The following AATF variants were observed in gnomAD, a reference collection of about 807,000 sequenced individuals.
AATF encodes apoptosis antagonizing transcription factor.
In AATF, 48 loss-of-function variants were observed where a neutral mutation model predicts 63.7. The observed-to-expected ratio is 0.75, with a 90% CI of 0.60 to 0.96. The LOEUF is 0.96. Ranked by LOEUF, AATF falls within the 40% of genes least tolerant of loss-of-function variation. The probability of loss-of-function intolerance (pLI) is 0.00; values close to 1 mark genes in which losing one functional copy is unlikely to be tolerated. For synonymous variants in AATF, 258 were observed against 247.7 expected, an observed-to-expected ratio of 1.04 and a Z score of -0.39; for missense variants, 639 against 685.7, an observed-to-expected ratio of 0.93 and a Z score of 0.76.
intron 4 of AATF, chr17:36,980,061 T>C (rs1022481307): frequency 7.9e-5 from 12 of 152,194 alleles, no homozygotes; most frequent in African/African-American, 2.9e-4. Context: ...ATTAAAAAAA[T>C]TCTAAAATGC....
At chr17:36,971,182 A>G (rs942625029) in intron 4 of AATF, among the ~76,000 whole-genome samples, 25 of 152,226 alleles carry the variant, frequency 1.6e-4, no homozygotes, top group African/African-American at 5.3e-4. Flanking sequence ...ATAATTAACA[A>G]TCAGCTTGTG....
At chr17:37,028,989 CG>C (rs1223637047) in intron 10 of AATF, among the ~76,000 whole-genome samples, 1 of 151,996 alleles carries the variant, frequency 6.6e-6, no homozygotes, top group Non-Finnish European at 1.5e-5. Context: ...GTGAAACAAA[CG>C]TAACAACAAT....
intron 4 of AATF, among the ~76,000 whole-genome samples, chr17:36,970,180 C>T (rs867326383): frequency 3.3e-5 from 5 of 152,304 alleles, no homozygotes; most frequent in South Asian, 4.1e-4. Context: ...TGTTTAACTT[C>T]GGAAACTGCC....
chr17:36,952,748 A>C (rs1293506488), intron 2 of AATF, 138 bp from the exon 3 acceptor site: 1 of 1,432,116 alleles, frequency 7.0e-7, no homozygotes, highest in East Asian at 2.5e-5. Context: ...TAGATGTGTA[A>C]TAAATATATT....
chr17:37,032,561 G>A (rs1319479568), intron 11 of AATF, among the ~76,000 whole-genome samples: 1 of 152,166 alleles, frequency 6.6e-6, no homozygotes. Context: ...AGGTACTAGG[G>A]GTGCTCCTTG....
intron 4 of AATF, among the ~76,000 whole-genome samples, chr17:36,976,434 T>A (rs1282615055): frequency 1.3e-5 from 2 of 152,206 alleles, no homozygotes; most frequent in Non-Finnish European, 2.9e-5. Context: ...GATGGTACAA[T>A]CTTTTAAGGA....
At chr17:36,975,784 C>T (rs1271743288) in intron 4 of AATF, among the ~76,000 whole-genome samples, 1 of 152,198 alleles carries the variant, frequency 6.6e-6, no homozygotes, top group African/African-American at 2.4e-5. Flanking sequence ...GTTGTGTACG[C>T]AGAGTGCCCC....
intron 4 of AATF, among the ~76,000 whole-genome samples, chr17:36,978,519 G>C (rs757675774): frequency 1.3e-5 from 2 of 151,842 alleles, no homozygotes; most frequent in Non-Finnish European, 2.9e-5. Context: ...AGTTCTCCTT[G>C]TGGTTATTTT....
chr17:36,960,007 T>C (rs1242538847), intron 4 of AATF, among the ~76,000 whole-genome samples: 3 of 151,578 alleles, frequency 2.0e-5, no homozygotes, highest in Non-Finnish European at 4.4e-5. Flanking sequence ...TTGACTTGAC[T>C]AGACTAAAAT....
chr17:37,028,777 C>A (rs748470861), intron 10 of AATF, among the ~76,000 whole-genome samples: 24 of 152,106 alleles, frequency 1.6e-4, no homozygotes, highest in Non-Finnish European at 3.1e-4. Context: ...CAGTGAGACC[C>A]TGTCTCAACA....
At chr17:36,990,342 A>G (rs2071203953) in intron 7 of AATF, among the ~76,000 whole-genome samples, 2 of 152,188 alleles carry the variant, frequency 1.3e-5, no homozygotes, top group African/African-American at 4.8e-5. Context: ...CCAGTTTCAG[A>G]AACACTGCTA....
intron 8 of AATF, among the ~76,000 whole-genome samples, chr17:37,013,958 C>T (rs757781372): frequency 2.0e-5 from 3 of 152,126 alleles, no homozygotes; most frequent in Non-Finnish European, 4.4e-5. Context: ...GCTCTCTGGA[C>T]TCTTCTGGCG....
chr17:36,982,234 T>A (rs918863739), intron 4 of AATF, among the ~76,000 whole-genome samples: 1 of 71,216 alleles, frequency 1.4e-5, no homozygotes, highest in African/African-American at 1.5e-4. Flanking sequence ...TTTTGTTTTG[T>A]TTTTTTTTTT....
chr17:37,004,824 A>G (rs543598253), intron 8 of AATF, among the ~76,000 whole-genome samples: 1 of 152,342 alleles, frequency 6.6e-6, no homozygotes, highest in South Asian at 2.1e-4. Context: ...CCCACAGGTT[A>G]CTGGTAATAT....
intron 11 of AATF, chr17:37,052,253 A>G (rs1016269330): frequency 6.6e-5 from 10 of 152,170 alleles, no homozygotes; most frequent in African/African-American, 2.4e-4. Flanking sequence ...CTACACACTT[A>G]CCCTGGAGAA....
chr17:37,041,648 G>GGT (rs2071641039), intron 11 of AATF, among the ~76,000 whole-genome samples: 1 of 152,120 alleles, frequency 6.6e-6, no homozygotes, highest in Non-Finnish European at 1.5e-5. Context: ...TGGGACTACA[G>GGT]GCGTGTCCTA....
chr17:36,959,429 CGA>C (rs955130726), intron 4 of AATF, among the ~76,000 whole-genome samples: 13 of 152,104 alleles, frequency 8.5e-5, no homozygotes, highest in Non-Finnish European at 1.5e-4. Context: ...GGTGACAGAG[CGA>C]GAGTCTGTCT....
intron 8 of AATF, among the ~76,000 whole-genome samples, chr17:37,012,176 C>A (rs1178326020): frequency 6.6e-6 from 1 of 152,050 alleles, no homozygotes; most frequent in Non-Finnish European, 1.5e-5. Context: ...GCCTCAGCCA[C>A]CCTAGTAGCT....
chr17:36,986,500 G>T (rs761090058), intron 4 of AATF, 117 bp from the exon 5 acceptor site: 69 of 748,514 alleles, frequency 9.2e-5, no homozygotes, highest in Non-Finnish European at 1.6e-4. Flanking sequence ...TGTGTATCCT[G>T]TGCCTCCCCT....
Sources: allele counts gnomAD v4.1 joint callset (sites outside exome capture counted in the v4.1 genomes callset), GRCh38; gene constraint gnomAD v4.1.1; transcripts MANE v1.5; gene names NCBI Gene and HGNC (gene_info 2026-07-23, HGNC 2026-07-21).